Variants in KLRG1 observed in about 807,000 individuals in gnomAD.
The protein encoded by KLRG1 is killer cell lectin like receptor G1, also known as killer cell lectin-like receptor subfamily G member 1.
KLRG1 carries 16 observed loss-of-function variants against 21.8 expected under a neutral mutation model. That is an observed-to-expected ratio of 0.73 (90% CI 0.50 to 1.11). KLRG1 has a LOEUF of 1.11. Ranked by LOEUF, KLRG1 falls within the 50% of genes most tolerant of loss-of-function variation. The pLI is 0.00. For missense variants in KLRG1, 173 were observed against 218.3 expected (o/e 0.79, Z 1.31); for synonymous variants, 69 against 75.9 (o/e 0.91, Z 0.47).
the KLRG1 span, among the ~76,000 whole-genome samples, chr12:9,160,878 G>A: frequency 1.3e-5 from 2 of 151,170 alleles, no homozygotes; most frequent in African/African-American, 4.9e-5. Flanking sequence ...TCACGTCACT[G>A]TACTCCAGCC....
At chr12:9,115,989 T>C in the KLRG1 span, 235,667 of 721,202 alleles carry the variant, frequency 0.33, 41,603 homozygotes, top group African/African-American at 0.41. Flanking sequence ...CCACACAAGA[T>C]CTCTAAACAA....
At chr12:9,060,215 G>A in the KLRG1 span, among the ~76,000 whole-genome samples, 1 of 135,132 alleles carries the variant, frequency 7.4e-6, no homozygotes. Context: ...GTAGAGACGG[G>A]GCTTCATTGT....
At chr12:9,186,230 G>C in the KLRG1 span, among the ~76,000 whole-genome samples, 27 of 152,170 alleles carry the variant, frequency 1.8e-4, no homozygotes, top group Non-Finnish European at 2.8e-4. Flanking sequence ...GTTACCACCA[G>C]ATCCAACTTG....
At chr12:9,135,119 C>G in the KLRG1 span, 1 of 216,404 alleles carries the variant, frequency 4.6e-6, no homozygotes, top group Non-Finnish European at 9.7e-6. Flanking sequence ...TGGCCGCCTC[C>G]ATGTCCTTCG....
the KLRG1 span, among the ~76,000 whole-genome samples, chr12:9,030,894 G>A: frequency 1.3e-5 from 2 of 152,172 alleles, no homozygotes; most frequent in African/African-American, 4.8e-5. Flanking sequence ...GAGTGGGGAT[G>A]TTCTATGTAA....
intron 4 of KLRG1, among the ~76,000 whole-genome samples, 161 bp downstream of exon 4, chr12:9,009,236 G>GC: frequency 1.1e-5 from 1 of 93,306 alleles, no homozygotes; most frequent in African/African-American, 6.6e-5. Flanking sequence ...ATGGGTAAGG[G>GC]CAAAAAAAAA....
At chr12:9,192,148 G>A in the KLRG1 span, 1 of 1,501,156 alleles carries the variant, frequency 6.7e-7, no homozygotes, top group Non-Finnish European at 9.3e-7. Flanking sequence ...GGAAGGGTAA[G>A]GATGTGTTAG....
the KLRG1 span, chr12:9,166,838 C>T: frequency 6.6e-6 from 1 of 152,182 alleles, no homozygotes; most frequent in Admixed American, 6.5e-5. Context: ...CATTTACCAA[C>T]GTGAGAGGGT....
the KLRG1 span, among the ~76,000 whole-genome samples, chr12:9,159,319 T>G: frequency 1.3e-5 from 2 of 152,154 alleles, no homozygotes; most frequent in African/African-American, 2.4e-5. Flanking sequence ...CCTGACACAT[T>G]TATTTATCCA....
chr12:9,112,317 C>G, the KLRG1 span: 3 of 1,596,776 alleles, frequency 1.9e-6, no homozygotes, highest in Admixed American at 5.0e-5. Flanking sequence ...GCCTGGGGAA[C>G]ATCCAGGGGA....
chr12:9,099,445 A>G, the KLRG1 span: 4 of 1,603,260 alleles, frequency 2.5e-6, no homozygotes, highest in African/African-American at 5.3e-5. Flanking sequence ...CCCGGTAGGT[A>G]AAACAGCATA....
At chr12:9,045,286 C>T in the KLRG1 span, among the ~76,000 whole-genome samples, 1 of 152,080 alleles carries the variant, frequency 6.6e-6, no homozygotes, top group East Asian at 1.9e-4. Context: ...ACCTGTGAGG[C>T]TTAGATCCTA....
chr12:9,155,629 G>C, the KLRG1 span, among the ~76,000 whole-genome samples: 2 of 152,090 alleles, frequency 1.3e-5, no homozygotes, highest in African/African-American at 4.8e-5. Flanking sequence ...CTACAAGATA[G>C]ATTGAGTTTA....
At chr12:9,096,771 T>C in the KLRG1 span, among the ~76,000 whole-genome samples, 1 of 152,248 alleles carries the variant, frequency 6.6e-6, no homozygotes, top group Non-Finnish European at 1.5e-5. Context: ...CTCTCCCTGC[T>C]TTTATTGTGG....
At chr12:9,208,037 T>A in the KLRG1 span, among the ~76,000 whole-genome samples, 1 of 152,200 alleles carries the variant, frequency 6.6e-6, no homozygotes, top group Non-Finnish European at 1.5e-5. Flanking sequence ...TGCTTCCTAG[T>A]GACTAATCGT....
downstream of KLRG1, among the ~76,000 whole-genome samples, chr12:9,014,778 A>C (rs1323398003): frequency 6.8e-6 from 1 of 147,240 alleles, no homozygotes; most frequent in Non-Finnish European, 1.5e-5. Context: ...AAGATTAACC[A>C]AAAAAAAAAA....
the KLRG1 span, among the ~76,000 whole-genome samples, chr12:9,179,328 C>G: frequency 6.6e-6 from 1 of 152,142 alleles, no homozygotes; most frequent in Non-Finnish European, 1.5e-5. Context: ...TCTCTAAGGA[C>G]AAGGACTGTG....
In KLRG1 at chr12:9,009,071, T is replaced by C; in HGVS notation, c.454T>C (p.Ser152Pro). 1 of 1,609,316 alleles carries C rather than the reference T, an allele frequency of 6.2e-7. No homozygotes were observed. The highest frequency in any genetic ancestry group is 1.1e-5 in the South Asian group (1 of 90,746). The part of the protein sequence containing the change: ...RWEDGSPLNF[S>P]RISSNSFVQT... ...GGAAGATGGATCACCTCTAAACTTC[T>C]CAAGGTAAGGGGCTTCAAAGGAATG... Residue 152 changes from serine (S) to proline (P), a missense_variant, in exon 4 of 5, where the codon TCA becomes CCA. Physicochemically the swap from Ser to Pro is moderately conservative, Grantham distance 74. This residue lies in a region of KLRG1 where 3 missense variants were observed against 19.9 expected (regional missense o/e 0.15). Coordinates refer to ENST00000356986, the MANE Select transcript of KLRG1 (RefSeq NM_005810.4).
chr12:9,162,735 G>A, the KLRG1 span: 3 of 1,068,892 alleles, frequency 2.8e-6, no homozygotes, highest in Admixed American at 2.1e-5. Flanking sequence ...GATGGGTAGG[G>A]TTTACACGAA....
Sources: allele counts gnomAD v4.1 joint callset (sites outside exome capture counted in the v4.1 genomes callset), GRCh38; gene constraint gnomAD v4.1.1; regional missense constraint gnomAD v4.1.1; transcripts MANE v1.5; gene names NCBI Gene and HGNC (gene_info 2026-07-23, HGNC 2026-07-21).